The following TSHZ2 variants were observed in gnomAD, a reference collection of about 807,000 sequenced individuals.
TSHZ2 encodes the protein teashirt homolog 2.
Under a neutral mutation model 74.4 loss-of-function variants are expected in TSHZ2, and 21 were observed. The ratio of observed to expected loss-of-function variants is 0.28; its 90% confidence interval spans 0.20 to 0.41. The LOEUF is 0.41. Ranked by LOEUF, TSHZ2 falls within the 10% of genes least tolerant of loss-of-function variation. The pLI is 1.00. For synonymous variants in TSHZ2, 540 were observed against 515.3 expected (o/e 1.05, Z -0.65); for missense variants, 1,244 against 1,293.5 (o/e 0.96, Z 0.59).
At chr20:53,234,686 C>G (rs759978526) in intron 1 of TSHZ2, among the ~76,000 whole-genome samples, 37 of 152,056 alleles carry the variant, frequency 2.4e-4, no homozygotes, top group Non-Finnish European at 4.3e-4. Context: ...GCAGCCAGCG[C>G]AAAGGCCTAA....
At chr20:53,314,253 G>A (rs541966550) in intron 2 of TSHZ2, among the ~76,000 whole-genome samples, 227 of 148,500 alleles carry the variant, frequency 1.5e-3, no homozygotes, top group Admixed American at 3.0e-3. Context: ...ACACCACTGC[G>A]CTCCAGCCTG....
intron 1 of TSHZ2, among the ~76,000 whole-genome samples, chr20:53,119,235 C>T (rs1456730706): frequency 6.6e-6 from 1 of 152,138 alleles, no homozygotes; most frequent in Non-Finnish European, 1.5e-5. Flanking sequence ...TCTATTTTTC[C>T]ACAAAAGAAA....
intron 2 of TSHZ2, among the ~76,000 whole-genome samples, chr20:53,389,168 G>T (rs1982162042): frequency 6.6e-6 from 1 of 152,134 alleles, no homozygotes; most frequent in Non-Finnish European, 1.5e-5. Flanking sequence ...CTACAGATAG[G>T]GTCCCCTCCT....
chr20:53,148,418 G>A (rs772897136), intron 1 of TSHZ2, among the ~76,000 whole-genome samples: 17 of 152,276 alleles, frequency 1.1e-4, no homozygotes, highest in Middle Eastern at 3.4e-3. Flanking sequence ...ATCCAGCTTC[G>A]AACCTCAATA....
chr20:53,440,671 T>G (rs984224485), intron 2 of TSHZ2, among the ~76,000 whole-genome samples: 1 of 151,896 alleles, frequency 6.6e-6, no homozygotes, highest in Middle Eastern at 3.4e-3. Flanking sequence ...TGCCGTAGAG[T>G]TGGGGAGGAA....
intron 1 of TSHZ2, among the ~76,000 whole-genome samples, chr20:53,165,379 A>G (rs909311699): frequency 1.3e-5 from 2 of 152,192 alleles, no homozygotes; most frequent in African/African-American, 4.8e-5. Flanking sequence ...TTCCTAATCA[A>G]TTATCCAACA....
intron 1 of TSHZ2, among the ~76,000 whole-genome samples, chr20:53,001,162 C>G (rs143049406): frequency 6.7e-6 from 1 of 148,734 alleles, no homozygotes; most frequent in East Asian, 2.0e-4. Flanking sequence ...CAGAGAGACC[C>G]GGTCTGGGTT....
chr20:53,113,507 C>T (rs1986589237), intron 1 of TSHZ2, among the ~76,000 whole-genome samples: 2 of 152,024 alleles, frequency 1.3e-5, no homozygotes, highest in African/African-American at 4.8e-5. Flanking sequence ...TGCTACTTGC[C>T]GATGCTGTGT....
chr20:53,281,797 G>A (rs144110602), intron 2 of TSHZ2, among the ~76,000 whole-genome samples: 61 of 152,322 alleles, frequency 4.0e-4, no homozygotes, highest in Middle Eastern at 6.8e-3. Context: ...CCCATGGGGA[G>A]CCTCAGAGTT....
intron 1 of TSHZ2, among the ~76,000 whole-genome samples, chr20:53,095,067 C>G (rs1985999783): frequency 1.3e-5 from 2 of 152,200 alleles, no homozygotes; most frequent in African/African-American, 4.8e-5. Flanking sequence ...CAAAATGGCT[C>G]AGACAATCAG....
At chr20:53,104,810 A>G (rs1477018762) in intron 1 of TSHZ2, among the ~76,000 whole-genome samples, 2 of 152,206 alleles carry the variant, frequency 1.3e-5, no homozygotes, top group East Asian at 1.9e-4. Flanking sequence ...GTTCTTACGA[A>G]GGTCTCAAAC....
intron 1 of TSHZ2, among the ~76,000 whole-genome samples, chr20:53,179,704 C>T (rs910199812): frequency 1.3e-5 from 2 of 152,170 alleles, no homozygotes; most frequent in Admixed American, 6.5e-5. Flanking sequence ...TTGAACATAT[C>T]GCTTGACCAG....
intron 1 of TSHZ2, among the ~76,000 whole-genome samples, chr20:53,194,434 T>C (rs1476273148): frequency 2.6e-5 from 4 of 152,240 alleles, no homozygotes; most frequent in African/African-American, 9.6e-5. Flanking sequence ...CTGCGTTTTC[T>C]TTCTCTCCTT....
chr20:53,138,941 A>C (rs936853559), intron 1 of TSHZ2, among the ~76,000 whole-genome samples: 2 of 152,234 alleles, frequency 1.3e-5, no homozygotes, highest in African/African-American at 4.8e-5. Context: ...GAATCAAGGC[A>C]GATTCAAGGG....
At chr20:53,021,309 C>T (rs1182489712) in intron 1 of TSHZ2, among the ~76,000 whole-genome samples, 1 of 152,172 alleles carries the variant, frequency 6.6e-6, no homozygotes, top group Non-Finnish European at 1.5e-5. Flanking sequence ...GAAATTCAGA[C>T]TCTCAGACCC....
intron 2 of TSHZ2, among the ~76,000 whole-genome samples, chr20:53,389,325 G>T (rs1982165877): frequency 6.6e-6 from 1 of 152,194 alleles, no homozygotes; most frequent in Non-Finnish European, 1.5e-5. Context: ...GTTATGTGTA[G>T]TTTTCACTTA....
chr20:53,454,463 G>A (rs1240333735), intron 2 of TSHZ2, among the ~76,000 whole-genome samples: 1 of 151,876 alleles, frequency 6.6e-6, no homozygotes, highest in East Asian at 1.9e-4. Flanking sequence ...TCGGGAGGCT[G>A]AGACAGAAGA....
At chr20:53,463,936 G>C (rs752050053) in intron 2 of TSHZ2, among the ~76,000 whole-genome samples, 2 of 152,194 alleles carry the variant, frequency 1.3e-5, no homozygotes, top group African/African-American at 4.8e-5. Context: ...ACAATGGACC[G>C]AAGTGCTGAA....
chr20:53,147,926 A>C (rs1229145930), intron 1 of TSHZ2, among the ~76,000 whole-genome samples: 2 of 152,196 alleles, frequency 1.3e-5, no homozygotes, highest in Non-Finnish European at 2.9e-5. Context: ...CATGTTGGTC[A>C]GGCTGGTTTG....
Sources: allele counts gnomAD v4.1 joint callset (sites outside exome capture counted in the v4.1 genomes callset), GRCh38; gene constraint gnomAD v4.1.1; transcripts MANE v1.5; gene names NCBI Gene and HGNC (gene_info 2026-07-23, HGNC 2026-07-21).